The following SMU1 variants were observed in gnomAD, a reference collection of about 807,000 sequenced individuals.
SMU1 encodes SMU1 DNA replication regulator and spliceosomal factor.
In SMU1, 2 loss-of-function variants were observed where a neutral mutation model predicts 62.0. The observed-to-expected ratio is 0.03, with a 90% CI of 0.01 to 0.10. The LOEUF (loss-of-function observed/expected upper bound fraction) is 0.10. Among genes scored for constraint, SMU1 ranks in the 10% least tolerant of loss-of-function variants. SMU1 has a pLI of 1.00. For missense variants in SMU1, 227 were observed against 622.1 expected (o/e 0.36, Z 6.76); for synonymous variants, 188 against 212.4 (o/e 0.89, Z 1.00).
chr9:33,042,403 T>C lies in SMU1; in HGVS notation c.*4890A>G, dbSNP rs1839136094. 6.6e-6 allele frequency: 1 copy of C among 152,644 alleles called. No homozygotes were observed. The highest frequency in any genetic ancestry group is 1.5e-5 in the Non-Finnish European group (1 of 68,042). The allele number at this position is 152,644 out of a possible 1,614,324, so 9.5% of individuals were successfully genotyped here. ...TATGAAAAAACATTAACCAAGGTCA[T>C]CATCCACAAAAATACAAGTTCCAGC... On this transcript the variant is annotated 3_prime_UTR_variant, in exon 12 of 12. Transcript: ENST00000397149.
rs1241443240 is a variant in SMU1 at position 33,043,091 on chromosome 9, C to T, written c.*4202G>A. ...CTCGTGATCCACCCACCTCGGCCTC[C>T]CAAAGTGCTGGGATTACAGGCTTGA... On this transcript the variant is annotated 3_prime_UTR_variant, in exon 12 of 12. Coordinates refer to ENST00000397149, the MANE Select transcript of SMU1 (RefSeq NM_018225.3). 1 of 152,304 alleles carries T rather than the reference C, an allele frequency of 6.6e-6. No individual in the cohort carries two copies. The allele number at this position is 152,304 out of a possible 1,614,324, so 9.4% of individuals were successfully genotyped here.
At position 33,061,276 on chromosome 9, in the gene SMU1, T is replaced by A. The variant is rs1283203387; in HGVS notation, c.631-692A>T. On this transcript the variant is annotated intron_variant, in intron 5 of 11. Coordinates refer to ENST00000397149, the MANE Select transcript of SMU1 (RefSeq NM_018225.3). ...AGGAAAGTGTTTATAACAGAAAATC[T>A]TAGCCCAGCAGCATAATAATGATGG... 2.0e-5 allele frequency among the ~76,000 whole-genome samples: 3 copies of A among 152,202 alleles called. No individual in the cohort carries two copies. In the East Asian group the frequency reaches 5.8e-4, roughly 29 times the overall value.
chr9:33,060,709 T>A, intron 5 of SMU1, 125 bp from the exon 6 acceptor site: 2 of 1,158,428 alleles, frequency 1.7e-6, no homozygotes, highest in Non-Finnish European at 2.4e-6. Context: ...TTATAGAGTA[T>A]TGGAGGGGTA....
intron 3 of SMU1, 86 bp from the exon 4 acceptor site, chr9:33,069,020 T>A: frequency 6.8e-7 from 1 of 1,463,794 alleles, no homozygotes; most frequent in East Asian, 2.5e-5. Context: ...AGCAGAAGCA[T>A]ACACAGAGGA....
intron 6 of SMU1, among the ~76,000 whole-genome samples, 175 bp from the exon 7 acceptor site, chr9:33,057,889 G>T (rs1470794399): frequency 1.3e-5 from 2 of 151,988 alleles, no homozygotes; most frequent in African/African-American, 2.4e-5. Context: ...GATATTGCCG[G>T]GGATAAATAA....
intron 4 of SMU1, 88 bp downstream of exon 4, chr9:33,068,736 C>T: frequency 2.7e-6 from 4 of 1,477,586 alleles, no homozygotes; most frequent in Non-Finnish European, 3.7e-6. Flanking sequence ...AACTACTAGG[C>T]TCAAGTGATT....
At position 33,044,501 on chromosome 9, in the gene SMU1, C is replaced by G. The variant is rs1331702814; in HGVS notation, c.*2792G>C. On this transcript the variant is annotated 3_prime_UTR_variant, in exon 12 of 12. Coordinates refer to ENST00000397149, the MANE Select transcript of SMU1 (RefSeq NM_018225.3). ...CTGCGCGTGCGCGGCCCGACCCCGC[C>G]GCGGTCTGGCTGTAAGGGCGCTGGA... is the stretch of plus-strand genomic sequence containing the variant. 1 of 152,362 alleles carries G rather than the reference C, an allele frequency of 6.6e-6. No individual in the cohort carries two copies. The highest frequency in any genetic ancestry group is 1.5e-5 in the Non-Finnish European group (1 of 68,142). 9.4% of individuals were successfully genotyped at this position (152,362 alleles called of 1,614,324 possible).
intron 5 of SMU1, 116 bp downstream of exon 5, chr9:33,061,933 G>T: frequency 1.8e-6 from 2 of 1,118,550 alleles, no homozygotes; most frequent in Non-Finnish European, 1.3e-6. Context: ...TATTGTCAGA[G>T]CTGGAGAATG....
intron 4 of SMU1, among the ~76,000 whole-genome samples, chr9:33,067,011 A>G (rs1839428563): frequency 6.6e-6 from 1 of 152,180 alleles, no homozygotes; most frequent in African/African-American, 2.4e-5. Flanking sequence ...CGGTTCTACT[A>G]GAAATACTCA....
chr9:33,076,458 T>G, intron 1 of SMU1, 125 bp downstream of exon 1: 2 of 1,181,434 alleles, frequency 1.7e-6, no homozygotes, highest in Non-Finnish European at 2.5e-6. Context: ...GATGCTTCTT[T>G]GGGGGCAAGG....
At chr9:33,074,347 C>T (rs1313156065) in intron 1 of SMU1, among the ~76,000 whole-genome samples, 1 of 151,826 alleles carries the variant, frequency 6.6e-6, no homozygotes, top group Non-Finnish European at 1.5e-5. Context: ...GCCTGTAGTC[C>T]CAGCTACTTG....
At chr9:33,058,125 A>G (rs2119432969) in intron 6 of SMU1, among the ~76,000 whole-genome samples, 1 of 152,246 alleles carries the variant, frequency 6.6e-6, no homozygotes, top group East Asian at 1.9e-4. Context: ...TTTATTTGTG[A>G]TGCTTCTTTT....
Position 33,047,044 on chromosome 9 carries a change from C to T in SMU1, c.*249G>A, listed in dbSNP as rs1839193657. ...TCTAGAAATATCAGTATTTCACTCTCCAGGTCGAAGATTAATGAAAACATT... is the reference window on the plus strand; with the variant it reads ...TCTAGAAATATCAGTATTTCACTCTTCAGGTCGAAGATTAATGAAAACATT... On this transcript the variant is annotated 3_prime_UTR_variant, in exon 12 of 12. Coordinates refer to ENST00000397149, the MANE Select transcript of SMU1 (RefSeq NM_018225.3). 1 of 345,500 alleles carries T rather than the reference C, an allele frequency of 2.9e-6. No individual in the cohort carries two copies. The highest frequency in any genetic ancestry group is 4.7e-5 in the Admixed American group (1 of 21,224). 21.4% of individuals were successfully genotyped at this position (345,500 alleles called of 1,614,324 possible).
In SMU1 at chr9:33,045,962, G is replaced by A. The variant is rs1022856947; in HGVS notation, c.*1331C>T. On this transcript the variant is annotated 3_prime_UTR_variant, in exon 12 of 12. Coordinates refer to ENST00000397149, the MANE Select transcript of SMU1 (RefSeq NM_018225.3). ...CTAACATTTAAAAGGGGGCACAAAA[G>A]GCCTGCAGAAATAAGAACTCACGTT... is the stretch of plus-strand genomic sequence containing the variant. The A allele has an allele frequency of 1.4e-4, 21 of 152,212 alleles. No individual in the cohort carries two copies. The highest frequency in any genetic ancestry group is 3.9e-4 in the African/African-American group (16 of 41,454). 9.4% of individuals were successfully genotyped at this position (152,212 alleles called of 1,614,324 possible). A position where few individuals can be genotyped will look rare whatever the true frequency, so the allele number is the denominator to read the frequency against.
chr9:33,057,400 G>GATC (rs754481802), intron 7 of SMU1, among the ~76,000 whole-genome samples, 198 bp downstream of exon 7: 1 of 152,160 alleles, frequency 6.6e-6, no homozygotes, highest in Non-Finnish European at 1.5e-5. Context: ...CACTTACCAA[G>GATC]TATGTGACCT....
intron 6 of SMU1, among the ~76,000 whole-genome samples, chr9:33,059,395 T>TTC (rs10640718): frequency 0.56 from 84,445 of 150,886 alleles, 24,201 homozygotes; most frequent in African/African-American, 0.7. Context: ...GAGTAACTTT[T>TTC]TGTTTTTTTG....
chr9:33,071,410 A>G (rs994430330), intron 3 of SMU1, among the ~76,000 whole-genome samples: 33 of 152,238 alleles, frequency 2.2e-4, no homozygotes, highest in African/African-American at 7.2e-4. Flanking sequence ...ACAAATGATC[A>G]GTGAACATAC....
chr9:33,060,131 C>T (rs1355971337), intron 6 of SMU1, among the ~76,000 whole-genome samples: 2 of 152,080 alleles, frequency 1.3e-5, no homozygotes, highest in Non-Finnish European at 2.9e-5. Context: ...ACTTCAGCCT[C>T]CCAGGCAGCT....
chr9:33,063,045 A>G (rs1781842505), intron 4 of SMU1, among the ~76,000 whole-genome samples: 1 of 152,198 alleles, frequency 6.6e-6, no homozygotes, highest in Non-Finnish European at 1.5e-5. Flanking sequence ...CAGTTTTGCC[A>G]ACTGAAAAAG....
Sources: allele counts gnomAD v4.1 joint callset (sites outside exome capture counted in the v4.1 genomes callset), GRCh38; gene constraint gnomAD v4.1.1; transcripts MANE v1.5; gene names NCBI Gene and HGNC (gene_info 2026-07-23, HGNC 2026-07-21).